GLRA2: variants seen among roughly 807,000 people sequenced by gnomAD.
GLRA2 encodes glycine receptor alpha 2.
A neutral mutation model predicts 31.6 loss-of-function variants in GLRA2; 11 were observed. The observed-to-expected ratio is 0.35, with a 90% CI of 0.22 to 0.58. The LOEUF (loss-of-function observed/expected upper bound fraction) is 0.58, where lower values mean the gene tolerates loss of function less well. GLRA2 is among the 20% of genes least tolerant of loss of function. The probability of loss-of-function intolerance (pLI) is 0.84; values close to 1 mark genes in which losing one functional copy is unlikely to be tolerated. For synonymous variants in GLRA2, 132 were observed against 134.0 expected, an observed-to-expected ratio of 0.99 and a Z score of 0.10; for missense variants, 212 against 351.8, an observed-to-expected ratio of 0.60 and a Z score of 3.18.
chrX:14,574,530 A>T (rs752144987), intron 3 of GLRA2, 130 bp downstream of exon 3: 1 of 1,203,489 alleles, frequency 8.3e-7, no homozygotes, highest in South Asian at 1.8e-5. Flanking sequence ...ATTTATCAAC[A>T]GCTTTGGGTC....
the GLRA2 span, among the ~76,000 whole-genome samples, chrX:14,518,205 C>G: frequency 9.0e-6 from 1 of 111,515 alleles, no homozygotes; most frequent in Non-Finnish European, 1.9e-5. Context: ...CTGAAGAGGC[C>G]AAGTGTTGGT....
the GLRA2 span, among the ~76,000 whole-genome samples, chrX:14,458,724 T>G: frequency 1.2e-3 from 135 of 111,826 alleles, 1 homozygote; most frequent in East Asian, 0.033. Flanking sequence ...GGGTTGTTTG[T>G]TTTTTTCTTG....
At chrX:14,609,417 A>G (rs562704550) in intron 7 of GLRA2, among the ~76,000 whole-genome samples, 38 of 111,189 alleles carry the variant, frequency 3.4e-4, no homozygotes, top group African/African-American at 1.1e-3. Flanking sequence ...AAGGGAAATT[A>G]GTATTGAGAG....
chrX:14,601,721 CCCTTT>C (rs2090277446), intron 4 of GLRA2, among the ~76,000 whole-genome samples: 1 of 111,422 alleles, frequency 9.0e-6, no homozygotes, highest in South Asian at 3.7e-4. Context: ...CAAATCGCAA[CCCTTT>C]CCTTTCTTTA....
At chrX:14,639,818 T>G (rs1184452732) in intron 7 of GLRA2, among the ~76,000 whole-genome samples, 1 of 112,659 alleles carries the variant, frequency 8.9e-6, no homozygotes, top group Non-Finnish European at 1.9e-5. Context: ...CTGTGAATGT[T>G]TTCATATAGA....
At chrX:14,459,054 G>A in the GLRA2 span, among the ~76,000 whole-genome samples, 6 of 111,881 alleles carry the variant, frequency 5.4e-5, no homozygotes, top group African/African-American at 2.0e-4. Context: ...TTTATATAAG[G>A]TGTAAGGAAG....
the GLRA2 span, among the ~76,000 whole-genome samples, chrX:14,467,519 A>G: frequency 8.9e-6 from 1 of 112,431 alleles, no homozygotes. Flanking sequence ...AAAAGAAAGT[A>G]ACAGTACAAT....
chrX:14,530,360 C>T (rs767654563), intron 1 of GLRA2, among the ~76,000 whole-genome samples: 9 of 111,638 alleles, frequency 8.1e-5, no homozygotes, highest in Non-Finnish European at 1.5e-4. Flanking sequence ...ATTTTCACAG[C>T]CAACGTGATA....
intron 7 of GLRA2, among the ~76,000 whole-genome samples, chrX:14,686,159 G>A (rs756883464): frequency 8.9e-6 from 1 of 112,020 alleles, no homozygotes; most frequent in African/African-American, 3.2e-5. Flanking sequence ...TAGTTTGATT[G>A]CACTGTGGTC....
At chrX:14,488,199 T>C in the GLRA2 span, among the ~76,000 whole-genome samples, 1 of 112,299 alleles carries the variant, frequency 8.9e-6, no homozygotes, top group Non-Finnish European at 1.9e-5. Context: ...ATTCTTCCCT[T>C]GCCATTGTCT....
At chrX:14,672,935 C>A (rs2091109177) in intron 7 of GLRA2, among the ~76,000 whole-genome samples, 1 of 111,473 alleles carries the variant, frequency 9.0e-6, no homozygotes, top group African/African-American at 3.3e-5. Context: ...AGGTGTCTGG[C>A]AAGTTGGCTC....
the GLRA2 span, among the ~76,000 whole-genome samples, chrX:14,454,866 C>A: frequency 8.9e-6 from 1 of 112,191 alleles, no homozygotes; most frequent in South Asian, 3.7e-4. Context: ...ATAAATATGA[C>A]TGACATTTAA....
intron 8 of GLRA2, among the ~76,000 whole-genome samples, chrX:14,721,625 G>T (rs1025599286): frequency 9.0e-6 from 1 of 111,162 alleles, no homozygotes; most frequent in Non-Finnish European, 1.9e-5. Flanking sequence ...ATATTTCTCA[G>T]GTTTTAACAA....
chrX:14,670,741 G>A (rs752968120), intron 7 of GLRA2, among the ~76,000 whole-genome samples: 1 of 111,487 alleles, frequency 9.0e-6, no homozygotes, highest in African/African-American at 3.3e-5. Context: ...GATTTGGGTG[G>A]GGACACAGCC....
chrX:14,458,589 C>T, the GLRA2 span, among the ~76,000 whole-genome samples: 13 of 112,331 alleles, frequency 1.2e-4, no homozygotes, highest in Admixed American at 3.8e-4. Context: ...TGGTATCTCA[C>T]TGTGGTTTTG....
At chrX:14,645,967 GA>G (rs1390255234) in intron 7 of GLRA2, among the ~76,000 whole-genome samples, 1 of 111,561 alleles carries the variant, frequency 9.0e-6, no homozygotes, top group Non-Finnish European at 1.9e-5. Context: ...CACTTCCTCT[GA>G]AAAAAGTGGA....
chrX:14,551,053 A>G (rs1221375390), intron 2 of GLRA2, among the ~76,000 whole-genome samples: 2 of 112,128 alleles, frequency 1.8e-5, no homozygotes, highest in Non-Finnish European at 3.8e-5. Flanking sequence ...AATCCTTCCA[A>G]TAACCTTACA....
rs144617567 is a variant in GLRA2 at position 14,596,225 on chromosome X, G to A, written c.495-8090G>A. Among the ~76,000 whole-genome samples, 1,045 of 111,240 alleles carry A rather than the reference G, an allele frequency of 9.4e-3. 18 individuals are homozygous for A. The highest frequency in any genetic ancestry group is 0.033 in the African/African-American group (1,001 of 30,613). On this transcript the variant is annotated intron_variant, in intron 4 of 8. Coordinates refer to ENST00000218075, the MANE Select transcript of GLRA2 (RefSeq NM_002063.4). ...GACAGTAATCTGATATGCTGCCATC[G>A]CCCTGAGTAGAGTTCACTGCCTACT...
chrX:14,677,378 C>T (rs747549480), intron 7 of GLRA2, among the ~76,000 whole-genome samples: 3 of 111,709 alleles, frequency 2.7e-5, no homozygotes, highest in South Asian at 3.7e-4. Context: ...GATCTATATT[C>T]CCCCAAGTAT....
Sources: allele counts gnomAD v4.1 joint callset (sites outside exome capture counted in the v4.1 genomes callset), GRCh38; gene constraint gnomAD v4.1.1; transcripts MANE v1.5; gene names NCBI Gene and HGNC (gene_info 2026-07-23, HGNC 2026-07-21).